WWP2: variants seen among roughly 807,000 people sequenced by gnomAD.
WWP2 encodes the protein WW domain containing E3 ubiquitin protein ligase 2.
A neutral mutation model predicts 121.0 loss-of-function variants in WWP2; 57 were observed. The observed-to-expected ratio is 0.47, with a 90% CI of 0.38 to 0.59. WWP2 has a LOEUF of 0.59. Ranked by LOEUF, WWP2 falls within the 20% of genes least tolerant of loss-of-function variation. The pLI is 0.00. For missense variants in WWP2, 962 were observed against 1,158.9 expected (o/e 0.83, Z 2.47); for synonymous variants, 449 against 441.3 (o/e 1.02, Z -0.22).
intron 1 of WWP2, among the ~76,000 whole-genome samples, chr16:69,766,297 T>TCTTTCCCCTGGATGATGGCAA (rs2038729032): frequency 6.6e-6 from 1 of 152,108 alleles, no homozygotes; most frequent in African/African-American, 2.4e-5. Flanking sequence ...CCTGGATGCA[T>TCTTTCCCCTGGATGATGGCAA]CTTTCCCCTG....
At chr16:69,849,462 G>A (rs1249730325) in intron 6 of WWP2, among the ~76,000 whole-genome samples, 2 of 136,338 alleles carry the variant, frequency 1.5e-5, no homozygotes, top group Admixed American at 1.4e-4. Flanking sequence ...AATGGAATAA[G>A]TGTTATTTAT....
chr16:69,870,745 C>T (rs1189122945), intron 6 of WWP2, among the ~76,000 whole-genome samples: 1 of 152,144 alleles, frequency 6.6e-6, no homozygotes. Context: ...GTAGTAGATG[C>T]TTACTAAGTA....
At position 69,808,172 on chromosome 16, in the gene WWP2, T is replaced by C. The variant is rs576958411; in HGVS notation, c.340+8877T>C. On this transcript the variant is annotated intron_variant, in intron 4 of 23. Transcript: ENST00000359154. ...CAGCTTTGCCTAGTATTGAATTTCA[T>C]ATTAGTGAGAACATGCAGTATGTTT... is the stretch of plus-strand genomic sequence containing the variant. Among the ~76,000 whole-genome samples, 63 of 152,288 alleles carry C rather than the reference T, an allele frequency of 4.1e-4. 1 individual carries two copies. Among genetic ancestry groups the C allele is most frequent in the African/African-American group, 1.5e-3 (63 of 41,566 alleles).
At chr16:69,930,105 C>G (rs746822336) in intron 12 of WWP2, 25 bp from the exon 13 acceptor site, 1 of 1,613,678 alleles carries the variant, frequency 6.2e-7, no homozygotes, top group African/African-American at 1.3e-5. Flanking sequence ...GCCAGCCCTT[C>G]ACCCTTTTCT....
intron 7 of WWP2, among the ~76,000 whole-genome samples, chr16:69,873,845 A>T (rs989367126): frequency 1.4e-4 from 22 of 152,120 alleles, no homozygotes; most frequent in Non-Finnish European, 2.8e-4. Context: ...TATAAAAACT[A>T]TTGGTGAATT....
chr16:69,938,136 T>C (rs1200849142), intron 21 of WWP2, among the ~76,000 whole-genome samples: 1 of 152,206 alleles, frequency 6.6e-6, no homozygotes, highest in Non-Finnish European at 1.5e-5. Context: ...CGTATACAAA[T>C]TTTTTGTGGA....
At chr16:69,912,955 A>AATATATATATATATAT (rs1567427338) in intron 9 of WWP2, among the ~76,000 whole-genome samples, 1 of 8,354 alleles carries the variant, frequency 1.2e-4, no homozygotes, top group Non-Finnish European at 2.1e-4. Context: ...AAAAAAAAAA[A>AATATATATATATATAT]ATATATATAT....
At chr16:69,931,717 T>C in intron 15 of WWP2, 85 bp from the exon 16 acceptor site, 1 of 1,573,438 alleles carries the variant, frequency 6.4e-7, no homozygotes, top group Non-Finnish European at 8.7e-7. Flanking sequence ...TGCTGGATAT[T>C]GGGCCTTAGA....
chr16:69,909,592 C>T (rs975393274), intron 9 of WWP2: 102 of 985,298 alleles, frequency 1.0e-4, no homozygotes, highest in Admixed American at 7.4e-4. Flanking sequence ...TCCTTTTTTC[C>T]GTACCTCCTG....
chr16:69,908,699 T>C lies in WWP2; in HGVS notation c.915-62T>C, dbSNP rs1395827164. The C allele has an allele frequency of 2.0e-6, 3 of 1,511,428 alleles. No individual in the cohort carries two copies. The Admixed American group carries it at 6.0e-5, about 30-fold the overall frequency. 93.6% of individuals were successfully genotyped at this position (1,511,428 alleles called of 1,614,324 possible). ...CACATGAGTGATGAAGGTCTTCCTT[T>C]CTAACAGGGGCCTATGCCTTTCCAC... is the stretch of plus-strand genomic sequence containing the variant. On this transcript the variant is annotated intron_variant, in intron 8 of 23. Transcript: ENST00000359154.
At chr16:69,826,870 C>T (rs1206862398) in intron 4 of WWP2, among the ~76,000 whole-genome samples, 2 of 144,070 alleles carry the variant, frequency 1.4e-5, no homozygotes, top group East Asian at 4.3e-4. Flanking sequence ...ACCCGGTAGG[C>T]GGAGCTTGCA....
chr16:69,822,487 A>G (rs2056610233), intron 4 of WWP2, among the ~76,000 whole-genome samples: 1 of 152,108 alleles, frequency 6.6e-6, no homozygotes, highest in Non-Finnish European at 1.5e-5. Flanking sequence ...AAAGTACAGG[A>G]TGATCTGGGA....
chr16:69,891,876 A>G (rs1213568013), intron 8 of WWP2, among the ~76,000 whole-genome samples: 5 of 152,116 alleles, frequency 3.3e-5, no homozygotes, highest in South Asian at 4.1e-4. Context: ...CAAGTCATAC[A>G]TCTTTCCCCT....
intron 4 of WWP2, among the ~76,000 whole-genome samples, chr16:69,821,704 C>T (rs952389729): frequency 4.6e-5 from 7 of 151,322 alleles, no homozygotes; most frequent in Non-Finnish European, 7.4e-5. Flanking sequence ...CATTTTTTCT[C>T]CCCTTTCTTT....
intron 4 of WWP2, among the ~76,000 whole-genome samples, chr16:69,807,580 C>T (rs1199233416): frequency 7.8e-6 from 1 of 127,596 alleles, no homozygotes; most frequent in Non-Finnish European, 1.6e-5. Flanking sequence ...TATTGTGATA[C>T]TCCACTCCTG....
intron 4 of WWP2, among the ~76,000 whole-genome samples, chr16:69,836,912 C>A (rs1022508048): frequency 6.6e-6 from 1 of 152,098 alleles, no homozygotes; most frequent in Non-Finnish European, 1.5e-5. Flanking sequence ...AGGCATGAGC[C>A]ACCATGCCCA....
intron 1 of WWP2, among the ~76,000 whole-genome samples, chr16:69,779,257 G>A (rs372699378): frequency 2.0e-5 from 3 of 152,130 alleles, no homozygotes; most frequent in African/African-American, 7.2e-5. Context: ...GGCCCCGGCC[G>A]GTTATTTTTC....
Position 69,935,771 on chromosome 16 carries a change from G to T in WWP2, c.1843-82G>T. 1 of 1,530,732 alleles carries T rather than the reference G, an allele frequency of 6.5e-7. No homozygotes were observed. Among genetic ancestry groups the T allele is most frequent in the Non-Finnish European group, 8.8e-7 (1 of 1,140,036 alleles). 94.8% of individuals were successfully genotyped at this position (1,530,732 alleles called of 1,614,324 possible). A position where few individuals can be genotyped will look rare whatever the true frequency, so the allele number is the denominator to read the frequency against. The stretch of plus-strand genomic sequence containing the variant: ...AAGGAAGGCGGGTAGCGGTAGCAGA[G>T]TTTGATACCGAGCATCTGAGAGCTG... On this transcript the variant is annotated intron_variant, in intron 17 of 23. Transcript: ENST00000359154. This position sits in a 1 kb window ranked among gnomAD's most constrained non-coding sequence, Gnocchi z 5.2.
At chr16:69,881,429 A>T (rs1298084497) in intron 7 of WWP2, among the ~76,000 whole-genome samples, 1 of 152,230 alleles carries the variant, frequency 6.6e-6, no homozygotes, top group Non-Finnish European at 1.5e-5. Context: ...AAACTTGCTA[A>T]AGGCAATGCA....
Sources: allele counts gnomAD v4.1 joint callset (sites outside exome capture counted in the v4.1 genomes callset), GRCh38; gene constraint gnomAD v4.1.1; non-coding constraint Gnocchi (gnomAD v3.1); transcripts MANE v1.5; gene names NCBI Gene and HGNC (gene_info 2026-07-23, HGNC 2026-07-21).